The following SYBU variants were observed in gnomAD, a reference collection of about 807,000 sequenced individuals.
SYBU encodes the protein syntabulin.
A neutral mutation model predicts 35.9 loss-of-function variants in SYBU; 21 were observed. The observed-to-expected ratio is 0.58, with a 90% CI of 0.41 to 0.84. SYBU has a LOEUF of 0.84. Among genes scored for constraint, SYBU ranks in the 40% least tolerant of loss-of-function variants. The pLI, the probability that SYBU is intolerant of heterozygous loss-of-function variation, is 0.00. For synonymous variants in SYBU, 319 were observed against 324.3 expected, an observed-to-expected ratio of 0.98 and a Z score of 0.18; for missense variants, 768 against 848.2, an observed-to-expected ratio of 0.91 and a Z score of 1.17.
Position 109,628,687 on chromosome 8 carries a change from C to G in SYBU, c.230-9648G>C, listed in dbSNP as rs570994445. On this transcript the variant is annotated intron_variant, in intron 2 of 6. Transcript: ENST00000276646. ...AAAAGATTTTTTTTTTTAAAGTTAG[C>G]TGGTCATGTCTATAGTCCCGGCTAT... Among the ~76,000 whole-genome samples, 4 of 151,724 alleles carry G rather than the reference C, an allele frequency of 2.6e-5. No homozygotes were observed. In the South Asian group the frequency reaches 8.3e-4, roughly 32 times the overall value.
At chr8:109,641,861 G>A (rs920888955) in intron 2 of SYBU, among the ~76,000 whole-genome samples, 1 of 152,230 alleles carries the variant, frequency 6.6e-6, no homozygotes, top group South Asian at 2.1e-4. Context: ...TGGTGGGAGT[G>A]TAAATTAGTT....
intron 3 of SYBU, among the ~76,000 whole-genome samples, chr8:109,614,334 T>A (rs376306992): frequency 6.6e-6 from 1 of 152,208 alleles, no homozygotes; most frequent in African/African-American, 2.4e-5. Flanking sequence ...GTAATCCAAT[T>A]AGGTAGGTCT....
upstream of SYBU, among the ~76,000 whole-genome samples, chr8:109,685,495 G>C (rs908620782): frequency 6.6e-6 from 1 of 152,152 alleles, no homozygotes; most frequent in Admixed American, 6.5e-5. Flanking sequence ...ACATACTTGA[G>C]ATAAAGCTAT....
chr8:109,651,102 A>T (rs1184215612), intron 1 of SYBU, among the ~76,000 whole-genome samples: 3 of 152,216 alleles, frequency 2.0e-5, no homozygotes, highest in Non-Finnish European at 4.4e-5. Context: ...ATCACTACTG[A>T]CAAACAGCTG....
At chr8:109,635,414 T>A (rs1383789389) in intron 2 of SYBU, among the ~76,000 whole-genome samples, 2 of 152,142 alleles carry the variant, frequency 1.3e-5, no homozygotes, top group African/African-American at 4.8e-5. Flanking sequence ...TTGCTATACC[T>A]CAGAGTCCTT....
chr8:109,669,870 G>A (rs1816913393), intron 1 of SYBU, among the ~76,000 whole-genome samples: 1 of 152,210 alleles, frequency 6.6e-6, no homozygotes, highest in Non-Finnish European at 1.5e-5. Flanking sequence ...ACATGTGTGA[G>A]CAATCGAGGC....
intron 2 of SYBU, among the ~76,000 whole-genome samples, chr8:109,620,276 T>C (rs1165687089): frequency 6.6e-6 from 1 of 152,200 alleles, no homozygotes; most frequent in Non-Finnish European, 1.5e-5. Context: ...CTTTAGTAAC[T>C]CATTAGACAA....
chr8:109,671,762 T>C (rs1816989348), intron 1 of SYBU, among the ~76,000 whole-genome samples: 1 of 152,208 alleles, frequency 6.6e-6, no homozygotes, highest in Admixed American at 6.5e-5. Flanking sequence ...TATGACTTAA[T>C]ATGCACAAAA....
Position 109,579,879 on chromosome 8 carries a change from G to A in SYBU, c.654C>T (p.Ile218=), listed in dbSNP as rs10085994. ...LCRNQLSPVN[I]HPSYAPSSPS... ...GGGAAGAAGGTGCATAACTGGGATG[G>A]ATATTGACAGGGCTCAGCTGATTCC... is the stretch of plus-strand genomic sequence containing the variant. The change falls in exon 5 of 7, where the codon ATC becomes ATT. Residue 218 remains isoleucine, a synonymous_variant. Transcript: ENST00000276646. The A allele has an allele frequency of 0.06, 97,484 of 1,614,030 alleles. 3,425 individuals carry two copies. The highest frequency in any genetic ancestry group is 0.073 in the Non-Finnish European group (86,526 of 1,179,946).
Position 109,691,251 on chromosome 8 carries a change from C to T in SYBU, c.-58+82G>A, listed in dbSNP as rs1241682707. The T allele has an allele frequency of 7.2e-6, 5 of 691,666 alleles. No homozygotes were observed. The highest frequency in any genetic ancestry group is 3.0e-5 in the South Asian group (2 of 66,178). The allele number at this position is 691,666 out of a possible 1,614,324, so 42.8% of individuals were successfully genotyped here. A position where few individuals can be genotyped will look rare whatever the true frequency, so the allele number is the denominator to read the frequency against. On this transcript the variant is annotated intron_variant, in intron 1 of 7. Transcript: ENST00000422135. This position sits in a 1 kb window ranked among gnomAD's most constrained non-coding sequence, Gnocchi z 4.7. ...GGGTCCGGAGCGCCCCATCACTGCCCTCATTGTACCGAAGACCATCAGTTG... is the reference window on the plus strand; with the variant it reads ...GGGTCCGGAGCGCCCCATCACTGCCTTCATTGTACCGAAGACCATCAGTTG...
At chr8:109,623,104 A>G (rs1013083639) in intron 2 of SYBU, among the ~76,000 whole-genome samples, 1 of 152,144 alleles carries the variant, frequency 6.6e-6, no homozygotes, top group African/African-American at 2.4e-5. Flanking sequence ...TCATTATTCA[A>G]AGTAGGTATA....
chr8:109,588,568 C>T (rs1823880599), intron 3 of SYBU, among the ~76,000 whole-genome samples: 1 of 152,130 alleles, frequency 6.6e-6, no homozygotes, highest in African/African-American at 2.4e-5. Context: ...AAGAACGTAA[C>T]CTGGTTAATG....
At chr8:109,630,483 G>A (rs62508153) in intron 2 of SYBU, among the ~76,000 whole-genome samples, 4,526 of 152,112 alleles carry the variant, frequency 0.03, 151 homozygotes, top group African/African-American at 0.079. Context: ...GGCCACTACC[G>A]TAATAGAAAT....
intron 3 of SYBU, among the ~76,000 whole-genome samples, chr8:109,605,049 C>T (rs1051351868): frequency 2.0e-5 from 3 of 152,140 alleles, no homozygotes; most frequent in African/African-American, 7.2e-5. Flanking sequence ...CACAAACTCT[C>T]CTGATGGAAA....
At position 109,575,195 on chromosome 8, in the gene SYBU, A is replaced by ACTT. The variant is rs926631619; in HGVS notation, c.1700_1702dup (p.Glu567dup). 3 of 1,614,104 alleles carry ACTT rather than the reference A, an allele frequency of 1.9e-6. No homozygotes were observed. Among genetic ancestry groups the ACTT allele is most frequent in the Admixed American group, 3.3e-5 (2 of 60,014 alleles). On this transcript the variant is annotated inframe_insertion, in exon 7 of 7. Coordinates refer to ENST00000276646, the MANE Select transcript of SYBU (RefSeq NM_001099754.2). ...CTCTCTCATGAGGCGGTTTGCATGAACTTCTGCATCCACATTGGCGTAGGG... is the reference window on the plus strand; with the variant it reads ...CTCTCTCATGAGGCGGTTTGCATGAACTTCTTCTGCATCCACATTGGCGTAGGG...
At chr8:109,680,151 T>A (rs541510898) in intron 1 of SYBU, 1 of 152,372 alleles carries the variant, frequency 6.6e-6, no homozygotes, top group African/African-American at 2.4e-5. Flanking sequence ...TAATTCAATT[T>A]AAAATGTTTC....
intron 1 of SYBU, among the ~76,000 whole-genome samples, chr8:109,670,934 A>G (rs1011884762): frequency 2.0e-5 from 3 of 152,186 alleles, no homozygotes; most frequent in Non-Finnish European, 4.4e-5. Context: ...CTTTATGTGG[A>G]CATCAAAGGG....
intron 2 of SYBU, among the ~76,000 whole-genome samples, chr8:109,636,193 G>C (rs1163880009): frequency 6.6e-6 from 1 of 152,172 alleles, no homozygotes; most frequent in Non-Finnish European, 1.5e-5. Flanking sequence ...CTGATGCCAA[G>C]GCTCATGTTT....
chr8:109,630,824 C>T (rs969479887), intron 2 of SYBU, among the ~76,000 whole-genome samples: 7 of 152,128 alleles, frequency 4.6e-5, no homozygotes, highest in African/African-American at 1.7e-4. Context: ...GGGGGGATGT[C>T]TGGAGCATCA....
Sources: gnomAD v4.1 joint callset for allele counts (sites outside exome capture counted in the v4.1 genomes callset) on GRCh38, gnomAD v4.1.1 for gene constraint, Gnocchi (gnomAD v3.1) non-coding constraint, MANE v1.5 for transcripts, NCBI Gene and HGNC (gene_info 2026-07-23, HGNC 2026-07-21) for gene names.